The following PTPRG variants were observed in gnomAD, a reference collection of about 807,000 sequenced individuals.
The protein encoded by PTPRG is protein tyrosine phosphatase receptor type G.
Under a neutral mutation model 165.3 loss-of-function variants are expected in PTPRG, and 102 were observed. The observed-to-expected ratio is 0.62, with a 90% confidence interval of 0.53 to 0.73. The LOEUF (loss-of-function observed/expected upper bound fraction) is 0.73. Ranked by LOEUF, PTPRG falls within the 30% of genes least tolerant of loss-of-function variation. The pLI is 0.00. For synonymous variants in PTPRG, 675 were observed against 669.5 expected (o/e 1.01, Z -0.13); for missense variants, 1,866 against 1,861.4 (o/e 1.00, Z -0.05).
chr3:62,169,338 G>A (rs780930175), intron 8 of PTPRG, among the ~76,000 whole-genome samples: 3 of 151,868 alleles, frequency 2.0e-5, no homozygotes, highest in Non-Finnish European at 4.4e-5. Flanking sequence ...ATCCACCCCC[G>A]GCAAGAACTC....
intron 1 of PTPRG, among the ~76,000 whole-genome samples, chr3:61,621,022 A>AGTGTGT (rs1311209297): frequency 1.9e-5 from 2 of 107,762 alleles, no homozygotes; most frequent in African/African-American, 6.4e-5. Context: ...CCCATGCCCC[A>AGTGTGT]GTGTGTGTGT....
intron 2 of PTPRG, among the ~76,000 whole-genome samples, chr3:61,904,626 A>G (rs958608247): frequency 1.3e-5 from 2 of 152,168 alleles, no homozygotes; most frequent in African/African-American, 4.8e-5. Context: ...TAACTCTTAC[A>G]TAACAGCTGG....
At chr3:62,215,802 G>A (rs1700486637) in intron 12 of PTPRG, among the ~76,000 whole-genome samples, 1 of 152,128 alleles carries the variant, frequency 6.6e-6, no homozygotes, top group Non-Finnish European at 1.5e-5. Flanking sequence ...CCAACACAGA[G>A]ATGCCCCTGT....
chr3:61,653,153 T>A (rs1298327738), intron 1 of PTPRG, among the ~76,000 whole-genome samples: 5 of 152,138 alleles, frequency 3.3e-5, no homozygotes, highest in Non-Finnish European at 7.3e-5. Context: ...TGAATGTGAC[T>A]TAATGTCACT....
intron 1 of PTPRG, among the ~76,000 whole-genome samples, chr3:61,578,710 T>G (rs1489535842): frequency 1.3e-5 from 2 of 152,242 alleles, no homozygotes; most frequent in Admixed American, 1.3e-4. Flanking sequence ...GGCTTCTAGC[T>G]TGGATCCCAT....
At chr3:62,145,434 T>C (rs779319672) in intron 6 of PTPRG, among the ~76,000 whole-genome samples, 2 of 152,166 alleles carry the variant, frequency 1.3e-5, no homozygotes, top group Admixed American at 1.3e-4. Context: ...TGACAGGAAA[T>C]GACTGCAGAG....
At chr3:62,157,297 G>C (rs1005241822) in intron 7 of PTPRG, 73 bp downstream of exon 7, 1 of 1,472,144 alleles carries the variant, frequency 6.8e-7, no homozygotes, top group South Asian at 1.2e-5. Flanking sequence ...AGCATGGCTA[G>C]AGTATACCAC....
At chr3:61,814,043 G>C (rs1170249504) in intron 2 of PTPRG, among the ~76,000 whole-genome samples, 1 of 152,014 alleles carries the variant, frequency 6.6e-6, no homozygotes, top group East Asian at 1.9e-4. Flanking sequence ...TGGGACCACA[G>C]GCATGTGCCA....
rs201986445 is a variant in PTPRG, at chr3:62,203,972, C to T, written c.2155+22C>T. 3.8e-5 allele frequency: 58 copies of T among 1,528,704 alleles called. No individual in the cohort carries two copies. In the South Asian group the frequency reaches 6.0e-4, roughly 16 times the overall value. The allele number at this position is 1,528,704 out of a possible 1,614,324, so 94.7% of individuals were successfully genotyped here. A position where few individuals can be genotyped will look rare whatever the true frequency, so the allele number is the denominator to read the frequency against. ...CCAGGTAAGTGGTGCAGGTCTTCTTCGAGGGTTCCTGCTCCTGTGAATAGT... is the reference window on the plus strand; with the variant it reads ...CCAGGTAAGTGGTGCAGGTCTTCTTTGAGGGTTCCTGCTCCTGTGAATAGT... On this transcript the variant is annotated intron_variant, in intron 12 of 29. Transcript: ENST00000474889. The surrounding 1 kb of genome is among the most constrained non-coding windows in gnomAD (Gnocchi z 6.4).
At chr3:61,647,503 T>C (rs1156296048) in intron 1 of PTPRG, among the ~76,000 whole-genome samples, 3 of 152,156 alleles carry the variant, frequency 2.0e-5, no homozygotes, top group East Asian at 1.9e-4. Context: ...TTAAAAGTTA[T>C]CAATTGGCCG....
chr3:61,989,486 T>C, intron 2 of PTPRG, 139 bp from the exon 3 acceptor site: 1 of 759,946 alleles, frequency 1.3e-6, no homozygotes. Flanking sequence ...GCCAATGGCT[T>C]TGATTCATAG....
At chr3:62,142,371 G>C (rs541674139) in intron 6 of PTPRG, among the ~76,000 whole-genome samples, 1 of 152,056 alleles carries the variant, frequency 6.6e-6, no homozygotes, top group Non-Finnish European at 1.5e-5. Flanking sequence ...CTGGCTGGCC[G>C]GGTAGGGGAA....
rs139768448 is a variant in PTPRG at position 61,990,235 on chromosome 3, C to T, written c.370+431C>T. ...ATTTCACGTGCTTATCTGCCACATACGGCTAGTGACTACCCTATTGGGCAG... is the reference window on the plus strand; with the variant it reads ...ATTTCACGTGCTTATCTGCCACATATGGCTAGTGACTACCCTATTGGGCAG... On this transcript the variant is annotated intron_variant, in intron 3 of 29. Transcript: ENST00000474889. Among the ~76,000 whole-genome samples, 8 of 152,226 alleles carry T rather than the reference C, an allele frequency of 5.3e-5. No homozygotes were observed. The East Asian group carries it at 1.2e-3, about 22-fold the overall frequency.
intron 2 of PTPRG, among the ~76,000 whole-genome samples, chr3:61,762,571 C>T (rs973468712): frequency 6.6e-6 from 1 of 152,100 alleles, no homozygotes; most frequent in Non-Finnish European, 1.5e-5. Flanking sequence ...AGATCATGCC[C>T]CTGTACTCCA....
At chr3:62,109,959 G>C (rs9867250) in intron 5 of PTPRG, among the ~76,000 whole-genome samples, 18,457 of 152,066 alleles carry the variant, frequency 0.12, 1,200 homozygotes, top group African/African-American at 0.15. Context: ...TTCTTTGCCA[G>C]AGGTTCCATG....
intron 2 of PTPRG, among the ~76,000 whole-genome samples, chr3:61,855,595 C>T (rs1237004733): frequency 6.8e-6 from 1 of 146,462 alleles, no homozygotes; most frequent in Non-Finnish European, 1.5e-5. Context: ...TTAAAGTAGA[C>T]TTTATAGTCT....
chr3:62,010,149 T>C (rs1185379441), intron 4 of PTPRG, among the ~76,000 whole-genome samples: 2 of 152,076 alleles, frequency 1.3e-5, no homozygotes, highest in African/African-American at 4.8e-5. Context: ...GAACTCCTGA[T>C]CTCAAGCAGT....
intron 1 of PTPRG, among the ~76,000 whole-genome samples, chr3:61,597,905 T>C (rs1365262935): frequency 1.3e-5 from 2 of 152,194 alleles, no homozygotes; most frequent in Non-Finnish European, 2.9e-5. Flanking sequence ...AAAACAAAGC[T>C]AAACATTATT....
chr3:62,091,734 G>A (rs780188006), intron 5 of PTPRG, among the ~76,000 whole-genome samples: 3 of 152,118 alleles, frequency 2.0e-5, no homozygotes, highest in African/African-American at 7.2e-5. Flanking sequence ...GAATACTAGG[G>A]CATGGGAATT....
Sources: allele counts gnomAD v4.1 joint callset (sites outside exome capture counted in the v4.1 genomes callset), GRCh38; gene constraint gnomAD v4.1.1; non-coding constraint Gnocchi (gnomAD v3.1); transcripts MANE v1.5; gene names NCBI Gene and HGNC (gene_info 2026-07-23, HGNC 2026-07-21).